MGAT4B: variants seen among roughly 807,000 people sequenced by gnomAD.
The protein encoded by MGAT4B is N-acetylglucosaminyltransferase IVb.
In MGAT4B, 38 loss-of-function variants were observed where a neutral mutation model predicts 73.9. That is an observed-to-expected ratio of 0.51 (90% CI 0.40 to 0.67). MGAT4B has a LOEUF of 0.67. Among genes scored for constraint, MGAT4B ranks in the 30% least tolerant of loss-of-function variants. MGAT4B has a pLI of 0.00. For synonymous variants in MGAT4B, 373 were observed against 313.5 expected (o/e 1.19, Z -2.01); for missense variants, 686 against 735.2 (o/e 0.93, Z 0.77).
Position 179,798,920 on chromosome 5 carries a change from G to T in MGAT4B, c.1343+8C>A. Reference sequence around the variant, plus strand: ...CCCCCATCGCAGACCCATGGTGCTGGCACTGACCGCTCCAGTCTTAGAGGT... The same window carrying T: ...CCCCCATCGCAGACCCATGGTGCTGTCACTGACCGCTCCAGTCTTAGAGGT... On this transcript the variant is annotated splice_region_variant and intron_variant, in intron 11 of 14. Transcript: ENST00000292591. The T allele has an allele frequency of 6.2e-7, 1 of 1,613,372 alleles. No homozygotes were observed. The highest frequency in any genetic ancestry group is 1.1e-5 in the South Asian group (1 of 91,080).
At position 179,797,977 on chromosome 5, in the gene MGAT4B, G is replaced by A. The variant is rs1468178470; in HGVS notation, c.*68C>T. 6.4e-7 allele frequency: 1 copy of A among 1,553,604 alleles called. No homozygotes were observed. Among genetic ancestry groups the A allele is most frequent in the South Asian group, 1.2e-5 (1 of 85,444 alleles). On this transcript the variant is annotated 3_prime_UTR_variant, in exon 15 of 15. Coordinates refer to ENST00000292591, the MANE Select transcript of MGAT4B (RefSeq NM_014275.5). ...GGCCGTATCTGGCCCTCCGGGGACG[G>A]CAGTGACGACACCCCCAGAAATGTG...
rs1454287067 is a variant in MGAT4B at position 179,798,205 on chromosome 5, G to A, written c.1583C>T (p.Ser528Leu). 11 of 1,600,650 alleles carry A rather than the reference G, an allele frequency of 6.9e-6. No homozygotes were observed. Among genetic ancestry groups the A allele is most frequent in the Middle Eastern group, 1.6e-4 (1 of 6,062 alleles). ...AFGPLEALRLSIQTDSPVWVI... is the reference protein window; with the variant it reads ...AFGPLEALRLLIQTDSPVWVI... Reference sequence around the variant, plus strand: ...CCACACAGGGGAGTCCGTCTGGATCGAGAGGCGCAGTGCTTCCAGAGGGCC... The same window carrying A: ...CCACACAGGGGAGTCCGTCTGGATCAAGAGGCGCAGTGCTTCCAGAGGGCC... Residue 528 changes from serine (S) to leucine (L), a missense_variant, in exon 14 of 15, where the codon TCG becomes TTG. Around this residue, in one of 2 missense-constraint regions of MGAT4B, gnomAD observed 449 missense variants for 536.8 expected, o/e 0.84. Transcript: ENST00000292591.
rs1181781874 is a variant in MGAT4B, at chr5:179,799,609, C to T, written c.938G>A (p.Ser313Asn). Residue 313 changes from serine to asparagine, a missense_variant, in exon 9 of 15, where the codon AGC (serine) becomes AAC (asparagine). Ser to Asn is a conservative substitution (Grantham distance 46). This residue lies in a region of MGAT4B where 449 missense variants were observed against 536.8 expected (regional missense o/e 0.84). Transcript: ENST00000292591. Reference sequence around the variant, plus strand: ...CATGAGAATGAACTCTACAATCAGGCTCAGGTCCAGCGACTTGAACATCTT... The same window carrying T: ...CATGAGAATGAACTCTACAATCAGGTTCAGGTCCAGCGACTTGAACATCTT... The part of the protein sequence containing the change: ...IGKMFKSLDL[S>N]LIVEFILMFY... 6.2e-7 allele frequency: 1 copy of T among 1,613,844 alleles called. No individual in the cohort carries two copies.
chr5:179,801,262 G>C lies in MGAT4B; in HGVS notation c.558+72C>G, dbSNP rs932884435. 1.3e-6 allele frequency: 2 copies of C among 1,519,580 alleles called. No homozygotes were observed. Among genetic ancestry groups the C allele is most frequent in the African/African-American group, 2.7e-5 (2 of 72,824 alleles). The allele number at this position is 1,519,580 out of a possible 1,614,324, so 94.1% of individuals were successfully genotyped here. A position where few individuals can be genotyped will look rare whatever the true frequency, so the allele number is the denominator to read the frequency against. On this transcript the variant is annotated intron_variant, in intron 4 of 14. Coordinates refer to ENST00000292591, the MANE Select transcript of MGAT4B (RefSeq NM_014275.5). This position sits in a 1 kb window ranked among gnomAD's most constrained non-coding sequence, Gnocchi z 4.8. ...TTCCGACAGCTTTCTCCTCGGAATG[G>C]TTCCTGCTGTCAGTTCTGCACCGCG...
At position 179,801,049 on chromosome 5, in the gene MGAT4B, C is replaced by A. The variant is rs571601920; in HGVS notation, c.559-96G>T. On this transcript the variant is annotated intron_variant, in intron 4 of 14. Transcript: ENST00000292591. The surrounding 1 kb of genome is among the most constrained non-coding windows in gnomAD (Gnocchi z 4.8). The stretch of plus-strand genomic sequence containing the variant: ...GGGCACAGGCTTCAGATGCCCCCCA[C>A]GTGGAGGGAGTGAGCCTGCTGTGCT... 1 of 1,460,128 alleles carries A rather than the reference C, an allele frequency of 6.8e-7. No homozygotes were observed. The highest frequency in any genetic ancestry group is 1.2e-5 in the South Asian group (1 of 86,578). 90.4% of individuals were successfully genotyped at this position (1,460,128 alleles called of 1,614,324 possible). A position where few individuals can be genotyped will look rare whatever the true frequency, so the allele number is the denominator to read the frequency against.
In MGAT4B at chr5:179,797,764, G is replaced by T; in HGVS notation, c.*281C>A. Reference sequence around the variant, plus strand: ...AGAGACGGCGGGCGCCCAAGTAAAAGCTCTTCTAAAACGGCCTGACTGGGG... The same window carrying T: ...AGAGACGGCGGGCGCCCAAGTAAAATCTCTTCTAAAACGGCCTGACTGGGG... On this transcript the variant is annotated 3_prime_UTR_variant, in exon 15 of 15. Transcript: ENST00000292591. 2.4e-6 allele frequency: 1 copy of T among 409,674 alleles called. No individual in the cohort carries two copies. The highest frequency in any genetic ancestry group is 4.3e-6 in the Non-Finnish European group (1 of 230,164). The allele number at this position is 409,674 out of a possible 1,614,324, so 25.4% of individuals were successfully genotyped here.
At chr5:179,800,352 CCA>C in intron 6 of MGAT4B, 93 bp from the exon 7 acceptor site, 1 of 1,508,816 alleles carries the variant, frequency 6.6e-7, no homozygotes, top group Non-Finnish European at 9.2e-7. Flanking sequence ...TTCTGTCCCC[CCA>C]CCCCCATGCA....
In MGAT4B at chr5:179,806,273, G is replaced by A. The variant is rs184985685; in HGVS notation, c.97+214C>T. The A allele has an allele frequency of 6.2e-4, 110 of 178,560 alleles. 1 individual carries two copies. The East Asian group carries it at 0.015, about 24-fold the overall frequency. The allele number at this position is 178,560 out of a possible 1,614,324, so 11.1% of individuals were successfully genotyped here. ...CAGCTGCGCCCGCGGAGTCCGGTCC[G>A]GAGCACCCACGGGCGCGGCCCGGGC... On this transcript the variant is annotated intron_variant, in intron 1 of 14. Coordinates refer to ENST00000292591, the MANE Select transcript of MGAT4B (RefSeq NM_014275.5). This position sits in a 1 kb window ranked among gnomAD's most constrained non-coding sequence, Gnocchi z 4.6.
At chr5:179,800,730 G>C in intron 5 of MGAT4B, 133 bp from the exon 6 acceptor site, 1 of 970,176 alleles carries the variant, frequency 1.0e-6, no homozygotes, top group Non-Finnish European at 1.6e-6. Context: ...AGCCAACTGA[G>C]GTAGCAGAGC....
Position 179,799,184 on chromosome 5 carries a change from A to G in MGAT4B, c.1149+19T>C. 6.2e-7 allele frequency: 1 copy of G among 1,613,920 alleles called. No homozygotes were observed. Among genetic ancestry groups the G allele is most frequent in the African/African-American group, 1.3e-5 (1 of 75,062 alleles). On this transcript the variant is annotated intron_variant, in intron 10 of 14. Transcript: ENST00000292591. ...CCGACCTTGATCCCGGCCTAGGGAG[A>G]GCGTGCAGTGCAGCCCACCTTCAGT...
At position 179,798,445 on chromosome 5, in the gene MGAT4B, A is replaced by C; in HGVS notation, c.1423-11T>G. ...GTCTGACTGAGGGTTCTGGGGGCAG[A>C]ATCAAGGGCTGAGGCAGGTGGTCAC... On this transcript the variant is annotated splice_polypyrimidine_tract_variant and intron_variant, in intron 12 of 14. Coordinates refer to ENST00000292591, the MANE Select transcript of MGAT4B (RefSeq NM_014275.5). The C allele has an allele frequency of 2.5e-6, 4 of 1,612,768 alleles. No homozygotes were observed. Among genetic ancestry groups the C allele is most frequent in the Non-Finnish European group, 2.5e-6 (3 of 1,179,764 alleles).
intron 1 of MGAT4B, chr5:179,802,400 C>T: frequency 8.2e-7 from 1 of 1,215,970 alleles, no homozygotes; most frequent in South Asian, 2.6e-5. Flanking sequence ...GCTAGCTCTT[C>T]ACTGTCCTTG....
Position 179,799,599 on chromosome 5 carries a change from T to G in MGAT4B, c.948A>C (p.Val316=), listed in dbSNP as rs767815974. 2 of 1,613,872 alleles carry G rather than the reference T, an allele frequency of 1.2e-6. No individual in the cohort carries two copies. ...MFKSLDLSLI[V]EFILMFYRDK... ...CCCGGTAGAACATGAGAATGAACTCTACAATCAGGCTCAGGTCCAGCGACT... is the reference window on the plus strand; with the variant it reads ...CCCGGTAGAACATGAGAATGAACTCGACAATCAGGCTCAGGTCCAGCGACT... The change falls in exon 9 of 15, where the codon GTA becomes GTC. Residue 316 remains valine, a synonymous_variant. Transcript: ENST00000292591.
At chr5:179,798,774 G>T in intron 11 of MGAT4B, 154 bp downstream of exon 11, 1 of 1,087,764 alleles carries the variant, frequency 9.2e-7, no homozygotes, top group Non-Finnish European at 1.3e-6. Context: ...GCTCCTAGGG[G>T]CTGCCTGACT....
intron 1 of MGAT4B, among the ~76,000 whole-genome samples, chr5:179,804,115 A>G (rs1757049749): frequency 6.6e-6 from 1 of 152,228 alleles, no homozygotes; most frequent in Admixed American, 6.5e-5. Context: ...GAGGCGAGTC[A>G]TTAGGACATC....
chr5:179,798,840 G>A (rs931756093), intron 11 of MGAT4B, 88 bp downstream of exon 11: 9 of 1,478,952 alleles, frequency 6.1e-6, no homozygotes, highest in Non-Finnish European at 8.4e-6. Context: ...GGAAACTGAA[G>A]AACGTGAGGA....
At chr5:179,802,965 T>C in intron 1 of MGAT4B, 1 of 985,442 alleles carries the variant, frequency 1.0e-6, no homozygotes, top group Non-Finnish European at 1.2e-6. Context: ...GCTCTTCCAT[T>C]CCTTGATCCT....
intron 1 of MGAT4B, among the ~76,000 whole-genome samples, chr5:179,804,578 G>A (rs1476162277): frequency 6.6e-6 from 1 of 152,174 alleles, no homozygotes; most frequent in East Asian, 1.9e-4. Flanking sequence ...GGTCTAAGAG[G>A]CCGTCCTGGG....
chr5:179,806,476 G>A lies in MGAT4B; in HGVS notation c.97+11C>T. ...TGCGCCAGGTGCGGGCCGGGCGGGG[G>A]TCGCGCTCACCTTTCTGGCCGCTGA... On this transcript the variant is annotated intron_variant, in intron 1 of 14. Coordinates refer to ENST00000292591, the MANE Select transcript of MGAT4B (RefSeq NM_014275.5). This position sits in a 1 kb window ranked among gnomAD's most constrained non-coding sequence, Gnocchi z 4.6. 4 of 1,278,832 alleles carry A rather than the reference G, an allele frequency of 3.1e-6. No individual in the cohort carries two copies. The highest frequency in any genetic ancestry group is 2.8e-5 in the Admixed American group (1 of 36,066). The allele number at this position is 1,278,832 out of a possible 1,614,324, so 79.2% of individuals were successfully genotyped here. A position where few individuals can be genotyped will look rare whatever the true frequency, so the allele number is the denominator to read the frequency against.
Sources: allele counts gnomAD v4.1 joint callset (sites outside exome capture counted in the v4.1 genomes callset), GRCh38; gene constraint gnomAD v4.1.1; regional missense constraint gnomAD v4.1.1; non-coding constraint Gnocchi (gnomAD v3.1); transcripts MANE v1.5; gene names NCBI Gene and HGNC (gene_info 2026-07-23, HGNC 2026-07-21).